Variants in ZNF516 observed in about 807,000 individuals in gnomAD.
ZNF516 encodes the protein zinc finger protein 516.
A neutral mutation model predicts 79.7 loss-of-function variants in ZNF516; 19 were observed. That is an observed-to-expected ratio of 0.24 (90% CI 0.17 to 0.35). The LOEUF (loss-of-function observed/expected upper bound fraction) is 0.35. ZNF516 is among the 10% of genes least tolerant of loss of function. The pLI is 1.00. For missense variants in ZNF516, 1,678 were observed against 1,679.5 expected (o/e 1.00, Z 0.02); for synonymous variants, 877 against 739.5 (o/e 1.19, Z -3.02).
Position 76,379,155 on chromosome 18 carries a change from G to C in ZNF516, c.2959C>G (p.Pro987Ala), listed in dbSNP as rs752319643. 1.9e-6 allele frequency: 3 copies of C among 1,612,816 alleles called. No individual in the cohort carries two copies. Among genetic ancestry groups the C allele is most frequent in the African/African-American group, 1.3e-5 (1 of 74,928 alleles). ...KFSAQPQGPP[P>A]AKGEGGAPPL... is the part of the protein sequence containing the mutation. ...GGAGCGCCCCCTTCGCCCTTTGCAG[G>C]AGGTGGACCCTGAGGCTGAGCACTG... is the stretch of plus-strand genomic sequence containing the variant. The change falls in exon 4 of 7, where the codon CCT becomes GCT. Residue 987 changes from proline to alanine, a missense_variant. Transcript: ENST00000443185.
intron 1 of ZNF516, among the ~76,000 whole-genome samples, chr18:76,486,938 A>G (rs982228734): frequency 6.6e-6 from 1 of 152,330 alleles, no homozygotes; most frequent in East Asian, 1.9e-4. Context: ...GTTAAAATAC[A>G]GTATATGGTA....
At chr18:76,385,968 T>G (rs2074985542) in intron 3 of ZNF516, 1 of 152,304 alleles carries the variant, frequency 6.6e-6, no homozygotes, top group South Asian at 2.1e-4. Flanking sequence ...ACCAACTTCC[T>G]CCTGAAACGC....
chr18:76,420,444 T>C (rs1854121856), intron 3 of ZNF516, among the ~76,000 whole-genome samples: 1 of 152,198 alleles, frequency 6.6e-6, no homozygotes, highest in Admixed American at 6.5e-5. Context: ...GTCAAACTGC[T>C]AAAATCAGTA....
Position 76,441,227 on chromosome 18 carries a change from C to T in ZNF516, c.1810+18G>A. The stretch of plus-strand genomic sequence containing the variant: ...CCTGGGATCCCAGGACCCAGGCCAC[C>T]TGGGTACACTTGCTCACCTGGTGCA... On this transcript the variant is annotated intron_variant, in intron 3 of 6. Transcript: ENST00000443185. The T allele has an allele frequency of 6.2e-7, 1 of 1,603,708 alleles. No individual in the cohort carries two copies. Among genetic ancestry groups the T allele is most frequent in the South Asian group, 1.1e-5 (1 of 89,758 alleles).
At chr18:76,384,265 GGCCCCCAC>G (rs1415484387) in intron 3 of ZNF516, among the ~76,000 whole-genome samples, 5 of 99,868 alleles carry the variant, frequency 5.0e-5, no homozygotes, top group Non-Finnish European at 8.5e-5. Context: ...CCCCCTCCAC[GGCCCCCAC>G]GCCCCCACCA....
chr18:76,421,985 T>C lies in ZNF516; in HGVS notation c.1810+19260A>G, dbSNP rs373819511. On this transcript the variant is annotated intron_variant, in intron 3 of 6. Transcript: ENST00000443185. The stretch of plus-strand genomic sequence containing the variant: ...GTTTTGTTTTGTTTTTTGTTTTTAA[T>C]CTTAGAAATTAAATAATGCACCAGA... Among the ~76,000 whole-genome samples the C allele has an allele frequency of 2.7e-4, 41 of 152,312 alleles. No individual in the cohort carries two copies. In the East Asian group the frequency reaches 7.3e-3, roughly 27 times the overall value.
At chr18:76,384,900 T>A (rs1200989202) in intron 3 of ZNF516, among the ~76,000 whole-genome samples, 1 of 152,224 alleles carries the variant, frequency 6.6e-6, no homozygotes, top group African/African-American at 2.4e-5. Context: ...GGCGTGGCCC[T>A]GCATAGATGG....
At chr18:76,381,589 C>A (rs929962108) in intron 3 of ZNF516, among the ~76,000 whole-genome samples, 4 of 152,200 alleles carry the variant, frequency 2.6e-5, no homozygotes, top group Admixed American at 6.5e-5. Flanking sequence ...CAAATCCATT[C>A]CAAGGGGTTC....
intron 1 of ZNF516, among the ~76,000 whole-genome samples, chr18:76,489,547 T>G (rs1476029759): frequency 6.7e-6 from 1 of 148,348 alleles, no homozygotes; most frequent in Non-Finnish European, 1.5e-5. Context: ...ACCTCTCTCA[T>G]TCCCTTCAGT....
intron 1 of ZNF516, among the ~76,000 whole-genome samples, chr18:76,490,461 T>C (rs967850745): frequency 6.6e-6 from 1 of 152,240 alleles, no homozygotes; most frequent in African/African-American, 2.4e-5. Context: ...TACACGGCAG[T>C]AGCCAGTATC....
Position 76,362,616 on chromosome 18 carries a change from A to G in ZNF516, c.3433-59T>C, listed in dbSNP as rs1044114103. ...CTCATTTCTGCCTTTTGGTTTCTAA[A>G]TGCATTTTTCCTATTAATTTTCTAA... On this transcript the variant is annotated intron_variant, in intron 6 of 6. Transcript: ENST00000443185. 4 of 1,516,326 alleles carry G rather than the reference A, an allele frequency of 2.6e-6. No homozygotes were observed. In the African/African-American group the frequency reaches 5.5e-5, roughly 21 times the overall value. The allele number at this position is 1,516,326 out of a possible 1,614,324, so 93.9% of individuals were successfully genotyped here.
intron 4 of ZNF516, 76 bp from the exon 5 acceptor site, chr18:76,371,647 G>A (rs544827063): frequency 2.5e-6 from 3 of 1,216,018 alleles, no homozygotes; most frequent in African/African-American, 1.5e-5. Context: ...GAGAGCGAGG[G>A]GGAAGCGAGA....
At chr18:76,429,788 G>A (rs557317124) in intron 3 of ZNF516, among the ~76,000 whole-genome samples, 12 of 152,278 alleles carry the variant, frequency 7.9e-5, no homozygotes, top group South Asian at 2.1e-4. Flanking sequence ...ATGATGCGCC[G>A]AGCAGTGGCT....
At position 76,360,881 on chromosome 18, in the gene ZNF516, G is replaced by A. The variant is rs1402820688; in HGVS notation, c.*1617C>T. On this transcript the variant is annotated 3_prime_UTR_variant, in exon 7 of 7. Transcript: ENST00000443185. ...CCCACACTTTAGGGTGTGTGTGTGT[G>A]TTTGTGTGTGTGTGTGTCTGTGTTT... The A allele has an allele frequency of 6.6e-6, 1 of 150,722 alleles. No individual in the cohort carries two copies. Among genetic ancestry groups the A allele is most frequent in the African/African-American group, 2.4e-5 (1 of 41,072 alleles). The allele number at this position is 150,722 out of a possible 1,614,324, so 9.3% of individuals were successfully genotyped here.
intron 2 of ZNF516, among the ~76,000 whole-genome samples, chr18:76,457,786 G>C (rs1440669784): frequency 1.3e-5 from 2 of 152,200 alleles, no homozygotes; most frequent in African/African-American, 4.8e-5. Context: ...GGACAGAAGG[G>C]TGCCAGAAAT....
At chr18:76,396,592 T>C (rs1022749817) in intron 3 of ZNF516, among the ~76,000 whole-genome samples, 36 of 152,164 alleles carry the variant, frequency 2.4e-4, no homozygotes, top group African/African-American at 8.7e-4. Context: ...TAACCTGTCC[T>C]GAAAGGGGGA....
At chr18:76,463,509 T>C (rs1377113290) in intron 1 of ZNF516, among the ~76,000 whole-genome samples, 1 of 152,272 alleles carries the variant, frequency 6.6e-6, no homozygotes, top group African/African-American at 2.4e-5. Flanking sequence ...GCATATGCCC[T>C]GAGCTCCTGG....
chr18:76,388,163 C>T (rs2075020387), intron 3 of ZNF516: 1 of 152,236 alleles, frequency 6.6e-6, no homozygotes, highest in Admixed American at 6.5e-5. Context: ...ACCTCCACCA[C>T]TCAATGAAAT....
At chr18:76,366,230 G>C (rs577847581) in intron 6 of ZNF516, among the ~76,000 whole-genome samples, 1 of 152,076 alleles carries the variant, frequency 6.6e-6, no homozygotes, top group Non-Finnish European at 1.5e-5. Flanking sequence ...CCTGGCCCTC[G>C]TGCCTGTTGA....
Sources: allele counts gnomAD v4.1 joint callset (sites outside exome capture counted in the v4.1 genomes callset), GRCh38; gene constraint gnomAD v4.1.1; transcripts MANE v1.5; gene names NCBI Gene and HGNC (gene_info 2026-07-23, HGNC 2026-07-21).